Variants in ZNF638 observed in about 807,000 individuals in gnomAD.
The protein encoded by ZNF638 is zinc finger protein 638.
Under a neutral mutation model 195.6 loss-of-function variants are expected in ZNF638, and 46 were observed. The ratio of observed to expected loss-of-function variants is 0.24; its 90% confidence interval spans 0.19 to 0.30. The LOEUF is 0.30. ZNF638 is among the 10% of genes least tolerant of loss of function. The pLI is 1.00. For synonymous variants in ZNF638, 845 were observed against 772.0 expected, an observed-to-expected ratio of 1.09 and a Z score of -1.57; for missense variants, 2,440 against 2,325.3, an observed-to-expected ratio of 1.05 and a Z score of -1.01.
intron 25 of ZNF638, among the ~76,000 whole-genome samples, chr2:71,429,325 A>C (rs1232617584): frequency 6.6e-6 from 1 of 152,156 alleles, no homozygotes; most frequent in African/African-American, 2.4e-5. Context: ...ATTTGGTCCA[A>C]GGATTTCAGG....
intron 1 of ZNF638, among the ~76,000 whole-genome samples, chr2:71,334,852 T>C (rs1376039013): frequency 2.7e-5 from 4 of 148,460 alleles, no homozygotes; most frequent in Non-Finnish European, 5.9e-5. Flanking sequence ...ACCCGGGAGG[T>C]GGAGGTTGCA....
intron 26 of ZNF638, 72 bp from the exon 27 acceptor site, chr2:71,433,093 A>G (rs1192409551): frequency 3.3e-6 from 4 of 1,215,556 alleles, no homozygotes; most frequent in Non-Finnish European, 4.8e-6. Flanking sequence ...TCTCAAATAA[A>G]TGAATAAATC....
intron 10 of ZNF638, among the ~76,000 whole-genome samples, chr2:71,394,575 A>G (rs942250781): frequency 2.0e-5 from 3 of 152,150 alleles, no homozygotes; most frequent in Non-Finnish European, 1.5e-5. Flanking sequence ...TACTAGTATT[A>G]TGGTATTAAG....
At chr2:71,425,522 C>T (rs547930464) in intron 23 of ZNF638, among the ~76,000 whole-genome samples, 8 of 151,756 alleles carry the variant, frequency 5.3e-5, no homozygotes, top group Non-Finnish European at 1.0e-4. Flanking sequence ...GTATAGGAGC[C>T]CTGGTAGGAA....
At chr2:71,370,510 T>G (rs1182781465) in intron 8 of ZNF638, among the ~76,000 whole-genome samples, 1 of 152,232 alleles carries the variant, frequency 6.6e-6, no homozygotes, top group African/African-American at 2.4e-5. Flanking sequence ...TGTGCTTCAG[T>G]TCATATGATC....
chr2:71,372,968 C>T (rs1396398190), intron 8 of ZNF638, among the ~76,000 whole-genome samples: 2 of 152,100 alleles, frequency 1.3e-5, no homozygotes, highest in Non-Finnish European at 2.9e-5. Context: ...TAGTTAACAC[C>T]TTGTGTACCT....
chr2:71,344,653 GC>G (rs2078821791), intron 1 of ZNF638, among the ~76,000 whole-genome samples: 1 of 152,046 alleles, frequency 6.6e-6, no homozygotes, highest in Non-Finnish European at 1.5e-5. Context: ...GTCTTGAATG[GC>G]CTGATACTTA....
chr2:71,425,271 C>A (rs1197949227), intron 23 of ZNF638, among the ~76,000 whole-genome samples: 2 of 151,840 alleles, frequency 1.3e-5, no homozygotes, highest in African/African-American at 2.4e-5. Context: ...AGATTTGGGC[C>A]TATGTTGTTG....
In ZNF638 at chr2:71,368,446, G is replaced by C. The variant is rs1386723663; in HGVS notation, c.2060G>C (p.Gly687Ala). The stretch of plus-strand genomic sequence containing the variant: ...CTTATAACTGAATTACCAGAGGATG[G>C]TTGTACTGAAGAAGATGTGAGAAAA... ...VLLITELPED[G>A]CTEEDVRKLF... Residue 687 changes from glycine (G) to alanine (A), a missense_variant, in exon 7 of 28, where the codon GGT becomes GCT. Gly to Ala is a moderately conservative substitution (Grantham distance 60, BLOSUM62 0). This residue lies in a region of ZNF638 where 1,883 missense variants were observed against 1,739.1 expected (regional missense o/e 1.08). Transcript: ENST00000264447. 1 of 1,613,632 alleles carries C rather than the reference G, an allele frequency of 6.2e-7. No homozygotes were observed. The highest frequency in any genetic ancestry group is 8.5e-7 in the Non-Finnish European group (1 of 1,179,760).
intron 27 of ZNF638, among the ~76,000 whole-genome samples, chr2:71,434,322 C>CG (rs2080724355): frequency 6.6e-6 from 1 of 152,172 alleles, no homozygotes; most frequent in Non-Finnish European, 1.5e-5. Flanking sequence ...TTTTTCGTCT[C>CG]AAATATCAGT....
At chr2:71,335,201 T>A (rs1454281036) in intron 1 of ZNF638, among the ~76,000 whole-genome samples, 1 of 152,088 alleles carries the variant, frequency 6.6e-6, no homozygotes, top group Admixed American at 6.5e-5. Context: ...CACACTTGGC[T>A]AATCTTTTTT....
chr2:71,406,698 A>G (rs758866371), intron 19 of ZNF638, among the ~76,000 whole-genome samples: 1 of 152,152 alleles, frequency 6.6e-6, no homozygotes, highest in Non-Finnish European at 1.5e-5. Context: ...GTTTATATGG[A>G]AAGAGAGAGA....
At chr2:71,434,637 T>C (rs1440414671) in intron 27 of ZNF638, 105 bp from the exon 28 acceptor site, 4 of 914,110 alleles carry the variant, frequency 4.4e-6, no homozygotes, top group Non-Finnish European at 6.7e-6. Context: ...TATAATATTT[T>C]GTAGGATCAG....
At chr2:71,387,254 A>C (rs1029713277) in intron 10 of ZNF638, among the ~76,000 whole-genome samples, 1 of 152,208 alleles carries the variant, frequency 6.6e-6, no homozygotes, top group African/African-American at 2.4e-5. Context: ...GACAGAAGAG[A>C]GTCCAGAGAT....
chr2:71,399,610 A>G lies in ZNF638; in HGVS notation c.2552A>G (p.Lys851Arg). ...GAAGCCAAAAAGACTGGGAATGTCA[A>G]AAACAAAGACTCTAACAAACCTGTG... ...SLEAKKTGNV[K>R]NKDSNKPVTI... The change falls in exon 13 of 28, where the codon AAA becomes AGA. Residue 851 changes from lysine (K) to arginine (R), a missense_variant. This residue lies in a region of ZNF638 where 1,883 missense variants were observed against 1,739.1 expected (regional missense o/e 1.08). Coordinates refer to ENST00000264447, the MANE Select transcript of ZNF638 (RefSeq NM_014497.5). The G allele has an allele frequency of 6.2e-7, 1 of 1,613,066 alleles. No homozygotes were observed. Among genetic ancestry groups the G allele is most frequent in the Non-Finnish European group, 8.5e-7 (1 of 1,179,376 alleles).
chr2:71,421,045 C>T (rs2080421158), intron 21 of ZNF638, among the ~76,000 whole-genome samples: 1 of 152,004 alleles, frequency 6.6e-6, no homozygotes, highest in African/African-American at 2.4e-5. Flanking sequence ...ATCCTTGAGC[C>T]AGGAATCAAG....
At chr2:71,342,420 T>C (rs1259534170) in intron 1 of ZNF638, among the ~76,000 whole-genome samples, 1 of 152,110 alleles carries the variant, frequency 6.6e-6, no homozygotes, top group Non-Finnish European at 1.5e-5. Context: ...GTTCACTCTT[T>C]CCCTCACCTC....
intron 10 of ZNF638, among the ~76,000 whole-genome samples, chr2:71,394,922 G>A (rs1185262741): frequency 2.0e-5 from 3 of 152,266 alleles, no homozygotes; most frequent in South Asian, 2.1e-4. Context: ...GACAAGATGC[G>A]CTGGCATTCT....
At chr2:71,428,508 C>T (rs2080586667) in intron 24 of ZNF638, 39 bp from the exon 25 acceptor site, 4 of 1,540,704 alleles carry the variant, frequency 2.6e-6, no homozygotes, top group Non-Finnish European at 3.6e-6. Context: ...AATTTAAATA[C>T]TGTTACTAGA....
Sources: allele counts gnomAD v4.1 joint callset (sites outside exome capture counted in the v4.1 genomes callset), GRCh38; gene constraint gnomAD v4.1.1; regional missense constraint gnomAD v4.1.1; transcripts MANE v1.5; gene names NCBI Gene and HGNC (gene_info 2026-07-23, HGNC 2026-07-21).